HBG2: variants seen among roughly 807,000 people sequenced by gnomAD.
The protein encoded by HBG2 is hemoglobin subunit gamma 2, also known as hemoglobin subunit gamma-2.
For missense variants in HBG2, 59 were observed against 155.7 expected (o/e 0.38, Z 3.31); for synonymous variants, 25 against 63.2 (o/e 0.40, Z 2.87).
At chr11:5,253,762 T>C (rs1236615917) in intron 2 of HBG2, among the ~76,000 whole-genome samples, 2 of 150,702 alleles carry the variant, frequency 1.3e-5, no homozygotes, top group African/African-American at 4.9e-5. Context: ...ATGTTTCAAT[T>C]GTTCCTCACC....
intron 2 of HBG2, 143 bp from the exon 3 acceptor site, chr11:5,253,548 C>A: frequency 9.2e-7 from 1 of 1,088,594 alleles, no homozygotes; most frequent in East Asian, 2.5e-5. Flanking sequence ...TTTGCTTTCC[C>A]ATTAAATGCA....
rs141297974 is a variant in HBG2 at position 5,253,698 on chromosome 11, G to GCGCGCACACACACACACACA, written c.316-294_316-293insTGTGTGTGTGTGTGTGCGCG. Among the ~76,000 whole-genome samples, 7 of 134,556 alleles carry GCGCGCACACACACACACACA rather than the reference G, an allele frequency of 5.2e-5. No individual in the cohort carries two copies. The South Asian group carries it at 1.7e-3, about 34-fold the overall frequency. 88.3% of individuals were successfully genotyped at this position (134,556 alleles called of 152,430 possible). A position where few individuals can be genotyped will look rare whatever the true frequency, so the allele number is the denominator to read the frequency against. ...CTCACACACACACAAACACACGCGC[G>GCGCGCACACACACACACACA]CACACACACACACACACACACAGAG... On this transcript the variant is annotated intron_variant, in intron 2 of 2. Transcript: ENST00000336906.
rs36006195 is a variant in HBG2, at chr11:5,254,725, C to A, written c.4G>T (p.Gly2Cys). M[G>C]HFTEEDKATI... Reference sequence around the variant, plus strand: ...GCCTTGTCCTCCTCTGTGAAATGACCCATGGCGTCTGGACTAGGAGCTTAT... The same window carrying A: ...GCCTTGTCCTCCTCTGTGAAATGACACATGGCGTCTGGACTAGGAGCTTAT... Residue 2 changes from glycine to cysteine, a missense_variant, in exon 1 of 3, where the codon GGT becomes TGT. Physicochemically the swap from Gly to Cys is radical, Grantham distance 159. Transcript: ENST00000336906. 7.4e-6 allele frequency: 5 copies of A among 676,238 alleles called. No individual in the cohort carries two copies. In the East Asian group the frequency reaches 1.4e-4, roughly 18 times the overall value. The allele number at this position is 676,238 out of a possible 1,614,324, so 41.9% of individuals were successfully genotyped here.
rs749050950 is a variant in HBG2, at chr11:5,253,413, G to A, written c.316-8C>T. ...CAGCACATTTCCCAGGAGCTGTTGA[G>A]ATGAAAGGAGACAATAAAGATGAAC... is the stretch of plus-strand genomic sequence containing the variant. On this transcript the variant is annotated splice_region_variant and splice_polypyrimidine_tract_variant and intron_variant, in intron 2 of 2. Transcript: ENST00000336906. 89 of 1,611,426 alleles carry A rather than the reference G, an allele frequency of 5.5e-5. No individual in the cohort carries two copies. Among genetic ancestry groups the A allele is most frequent in the Non-Finnish European group, 7.5e-5 (88 of 1,177,930 alleles).
chr11:5,253,698 G>GCACACACACACACACACACACACACA lies in HBG2; in HGVS notation c.316-294_316-293insTGTGTGTGTGTGTGTGTGTGTGTGTG, dbSNP rs1554922324. Among the ~76,000 whole-genome samples the GCACACACACACACACACACACACACA allele has an allele frequency of 2.5e-4, 33 of 134,554 alleles. 1 individual carries two copies. In the East Asian group the frequency reaches 3.2e-3, roughly 13 times the overall value. 88.3% of individuals were successfully genotyped at this position (134,554 alleles called of 152,430 possible). Reference sequence around the variant, plus strand: ...CTCACACACACACAAACACACGCGCGCACACACACACACACACACACAGAG... The same window carrying GCACACACACACACACACACACACACA: ...CTCACACACACACAAACACACGCGCGCACACACACACACACACACACACACACACACACACACACACACACACAGAG... On this transcript the variant is annotated intron_variant, in intron 2 of 2. Coordinates refer to ENST00000336906, the MANE Select transcript of HBG2 (RefSeq NM_000184.3).
chr11:5,253,586 C>T (rs542190172), intron 2 of HBG2, among the ~76,000 whole-genome samples, 181 bp from the exon 3 acceptor site: 1 of 152,064 alleles, frequency 6.6e-6, no homozygotes, highest in Non-Finnish European at 1.5e-5. Flanking sequence ...CAGCACTAGT[C>T]ACTGGCCATA....
At chr11:5,254,070 C>T (rs181951405) in intron 2 of HBG2, among the ~76,000 whole-genome samples, 1 of 151,990 alleles carries the variant, frequency 6.6e-6, no homozygotes, top group Admixed American at 6.5e-5. Context: ...TTCCACCTCT[C>T]TTTTCTCAAA....
rs749064228 is a variant in HBG2 at position 5,253,309 on chromosome 11, C to T, written c.412G>A (p.Val138Met). ...QASWQKMVTG[V>M]ASALSSRYH Reference sequence around the variant, plus strand: ...TATCTGGAGGACAGGGCACTGGCCACTCCAGTCACCATCTTCTGCCAGGAA... The same window carrying T: ...TATCTGGAGGACAGGGCACTGGCCATTCCAGTCACCATCTTCTGCCAGGAA... Residue 138 changes from valine (V) to methionine (M), a missense_variant, in exon 3 of 3, where the codon GTG becomes ATG. By Grantham distance (21) the Val-to-Met change is conservative. Transcript: ENST00000336906. The T allele has an allele frequency of 3.8e-5, 62 of 1,613,966 alleles. No homozygotes were observed. Among genetic ancestry groups the T allele is most frequent in the African/African-American group, 5.3e-5 (4 of 74,912 alleles).
At chr11:5,254,084 A>G (rs1847987943) in intron 2 of HBG2, among the ~76,000 whole-genome samples, 1 of 151,852 alleles carries the variant, frequency 6.6e-6, no homozygotes, top group Non-Finnish European at 1.5e-5. Context: ...TCTCAAAGTC[A>G]AAGTTGTCCA....
At position 5,253,350 on chromosome 11, in the gene HBG2, G is replaced by A. The variant is rs754190776; in HGVS notation, c.371C>T (p.Thr124Ile). The change falls in exon 3 of 3, where the codon ACC (threonine) becomes ATC (isoleucine). Residue 124 changes from threonine (T) to isoleucine (I), a missense_variant. Thr to Ile is a moderately conservative substitution (Grantham distance 89). Coordinates refer to ENST00000336906, the MANE Select transcript of HBG2 (RefSeq NM_000184.3). ...VLAIHFGKEF[T>I]PEVQASWQKM... ...CTGCCAGGAAGCCTGCACCTCAGGG[G>A]TGAATTCTTTGCCGAAATGGATTGC... 2 of 1,613,930 alleles carry A rather than the reference G, an allele frequency of 1.2e-6. No individual in the cohort carries two copies. The highest frequency in any genetic ancestry group is 2.2e-5 in the South Asian group (2 of 91,058).
intron 2 of HBG2, among the ~76,000 whole-genome samples, chr11:5,253,696 G>GCACACACACACACA (rs1456006404): frequency 1.2e-3 from 66 of 56,382 alleles, no homozygotes; most frequent in East Asian, 6.3e-3. Context: ...AAACACACGC[G>GCACACACACACACA]CGCACACACA....
chr11:5,254,088 T>C (rs1847988052), intron 2 of HBG2, among the ~76,000 whole-genome samples: 1 of 151,856 alleles, frequency 6.6e-6, no homozygotes, highest in Non-Finnish European at 1.5e-5. Context: ...AAAGTCAAAG[T>C]TGTCCATCTA....
chr11:5,253,698 G>GCGCA (rs141297974), intron 2 of HBG2, among the ~76,000 whole-genome samples: 7 of 134,452 alleles, frequency 5.2e-5, no homozygotes, highest in Non-Finnish European at 1.0e-4. Flanking sequence ...ACACACGCGC[G>GCGCA]CACACACACA....
At position 5,253,189 on chromosome 11, in the gene HBG2, G is replaced by A; in HGVS notation, c.*88C>T. On this transcript the variant is annotated 3_prime_UTR_variant, in exon 3 of 3. Transcript: ENST00000336906. ...TAAAAAAAGAACTGAAGACAACCAT[G>A]TGTGATCTCTTAGCAGAATAGATTT... is the stretch of plus-strand genomic sequence containing the variant. 2 of 1,585,028 alleles carry A rather than the reference G, an allele frequency of 1.3e-6. No individual in the cohort carries two copies. The highest frequency in any genetic ancestry group is 2.2e-5 in the South Asian group (2 of 90,118).
intron 2 of HBG2, among the ~76,000 whole-genome samples, chr11:5,254,002 G>A (rs1183733899): frequency 1.3e-5 from 2 of 151,720 alleles, no homozygotes; most frequent in African/African-American, 2.4e-5. Context: ...AACAAAAATA[G>A]GGGAAAGGTG....
chr11:5,253,466 G>A, intron 2 of HBG2, 61 bp from the exon 3 acceptor site: 4 of 1,401,778 alleles, frequency 2.9e-6, no homozygotes, highest in Middle Eastern at 1.8e-4. Flanking sequence ...CTCCAGCCTG[G>A]CCTCCAGATA....
chr11:5,253,505 A>T (rs1306254790), intron 2 of HBG2, 100 bp from the exon 3 acceptor site: 1 of 1,257,716 alleles, frequency 8.0e-7, no homozygotes, highest in South Asian at 1.2e-5. Context: ...ACCCAGAATC[A>T]AGCCTATGTT....
At chr11:5,253,548 C>T in intron 2 of HBG2, 143 bp from the exon 3 acceptor site, 1 of 1,088,594 alleles carries the variant, frequency 9.2e-7, no homozygotes, top group South Asian at 1.3e-5. Context: ...TTTGCTTTCC[C>T]ATTAAATGCA....
rs1847969843 is a variant in HBG2, at chr11:5,253,198, C to T, written c.*79G>A. On this transcript the variant is annotated 3_prime_UTR_variant, in exon 3 of 3. Transcript: ENST00000336906. Reference sequence around the variant, plus strand: ...AACTGAAGACAACCATGTGTGATCTCTTAGCAGAATAGATTTATTATTTGA... The same window carrying T: ...AACTGAAGACAACCATGTGTGATCTTTTAGCAGAATAGATTTATTATTTGA... 5 of 1,597,246 alleles carry T rather than the reference C, an allele frequency of 3.1e-6. No homozygotes were observed. Among genetic ancestry groups the T allele is most frequent in the Middle Eastern group, 3.3e-4 (2 of 6,050 alleles).
Sources: allele counts gnomAD v4.1 joint callset (sites outside exome capture counted in the v4.1 genomes callset), GRCh38; gene constraint gnomAD v4.1.1; transcripts MANE v1.5; gene names NCBI Gene and HGNC (gene_info 2026-07-23, HGNC 2026-07-21).